The following ANKRD11 variants were observed in gnomAD, a reference collection of about 807,000 sequenced individuals.
ANKRD11 encodes the protein ankyrin repeat domain 11.
In ANKRD11, 17 loss-of-function variants were observed where a neutral mutation model predicts 195.7. The ratio of observed to expected loss-of-function variants is 0.09; its 90% confidence interval spans 0.06 to 0.13. ANKRD11 has a LOEUF of 0.13. Ranked by LOEUF, ANKRD11 falls within the 10% of genes least tolerant of loss-of-function variation. ANKRD11 has a pLI of 1.00. For missense variants in ANKRD11, 3,735 were observed against 3,566.1 expected (o/e 1.05, Z -1.21); for synonymous variants, 1,953 against 1,528.1 (o/e 1.28, Z -6.49).
chr16:89,441,793 A>C (rs1285642596), intron 1 of ANKRD11, among the ~76,000 whole-genome samples: 4 of 141,846 alleles, frequency 2.8e-5, no homozygotes, highest in East Asian at 4.1e-4. Flanking sequence ...AAAAAAAAAA[A>C]CGCAAACCTG....
intron 2 of ANKRD11, among the ~76,000 whole-genome samples, chr16:89,341,702 G>A (rs995606488): frequency 1.1e-4 from 17 of 152,242 alleles, no homozygotes; most frequent in Admixed American, 3.3e-4. Context: ...CTATTCATCT[G>A]CATAATGATA....
chr16:89,288,425 T>G, intron 7 of ANKRD11, 103 bp downstream of exon 7: 1 of 1,568,288 alleles, frequency 6.4e-7, no homozygotes, highest in Non-Finnish European at 8.7e-7. Context: ...CTCGCTTTCC[T>G]GTGCCCCACA....
chr16:89,377,730 G>A (rs981039474), intron 2 of ANKRD11, among the ~76,000 whole-genome samples: 1 of 152,094 alleles, frequency 6.6e-6, no homozygotes, highest in African/African-American at 2.4e-5. Context: ...TCTGTGACAT[G>A]GGCACTGAAA....
chr16:89,368,384 T>TTG (rs1240930506), intron 2 of ANKRD11, among the ~76,000 whole-genome samples: 2 of 132,820 alleles, frequency 1.5e-5, no homozygotes, highest in African/African-American at 6.1e-5. Flanking sequence ...TTTTTTTTTT[T>TTG]TTTTTTTTTT....
intron 3 of ANKRD11, among the ~76,000 whole-genome samples, chr16:89,313,070 C>T (rs1486030190): frequency 6.6e-6 from 1 of 152,190 alleles, no homozygotes; most frequent in African/African-American, 2.4e-5. Flanking sequence ...TCTCGGCCTC[C>T]ACACAGCTCG....
intron 1 of ANKRD11, among the ~76,000 whole-genome samples, chr16:89,464,704 GA>G (rs1307372237): frequency 6.6e-6 from 1 of 151,488 alleles, no homozygotes; most frequent in Non-Finnish European, 1.5e-5. Flanking sequence ...GTCAATAGTT[GA>G]CCAGAATTAA....
rs1185290714 is a variant in ANKRD11 at position 89,285,903 on chromosome 16, C to T, written c.892+136G>A. 7.8e-6 allele frequency: 11 copies of T among 1,414,380 alleles called. No homozygotes were observed. The highest frequency in any genetic ancestry group is 2.8e-5 in the African/African-American group (2 of 70,786). 87.6% of individuals were successfully genotyped at this position (1,414,380 alleles called of 1,614,324 possible). A position where few individuals can be genotyped will look rare whatever the true frequency, so the allele number is the denominator to read the frequency against. ...AGTGACACACCTGGGCGGGGTCTCCCGCAGTCCAGAAGCTCCTGTAAGCCC... is the reference window on the plus strand; with the variant it reads ...AGTGACACACCTGGGCGGGGTCTCCTGCAGTCCAGAAGCTCCTGTAAGCCC... On this transcript the variant is annotated intron_variant, in intron 8 of 12. Coordinates refer to ENST00000301030, the MANE Select transcript of ANKRD11 (RefSeq NM_013275.6). This position sits in a 1 kb window ranked among gnomAD's most constrained non-coding sequence, Gnocchi z 5.6.
intron 2 of ANKRD11, among the ~76,000 whole-genome samples, chr16:89,411,699 A>AC (rs1367991006): frequency 5.3e-5 from 8 of 152,000 alleles, no homozygotes; most frequent in Non-Finnish European, 1.2e-4. Context: ...CGGCCAGTTT[A>AC]CATTCGGAAC....
intron 1 of ANKRD11, among the ~76,000 whole-genome samples, chr16:89,421,641 G>A (rs1244398660): frequency 1.8e-5 from 2 of 109,752 alleles, no homozygotes; most frequent in East Asian, 2.8e-4. Flanking sequence ...GTCTGGGGGC[G>A]GGGGTGAGAC....
rs141518153 is a variant in ANKRD11 at position 89,274,299 on chromosome 16, C to G, written c.7713+515G>C. On this transcript the variant is annotated intron_variant, in intron 11 of 12. Coordinates refer to ENST00000301030, the MANE Select transcript of ANKRD11 (RefSeq NM_013275.6). ...AGGACAGTGACTGTAGTTCTGGAAC[C>G]CTGAGTCCGGCCCGCCCTGGCCCAG... 3.5e-4 allele frequency among the ~76,000 whole-genome samples: 53 copies of G among 152,294 alleles called. 1 individual carries two copies. Among genetic ancestry groups the G allele is most frequent in the African/African-American group, 1.2e-3 (49 of 41,558 alleles).
rs7187307 is a variant in ANKRD11 at position 89,326,386 on chromosome 16, C to T, written c.-59-9308G>A. On this transcript the variant is annotated intron_variant, in intron 2 of 12. Transcript: ENST00000301030. ...AAGGGGACGCAGCCACCGCCCCCCC[C>T]ACCCCGCTGCAGAAGGTGCACACCA... Among the ~76,000 whole-genome samples, 209 of 152,012 alleles carry T rather than the reference C, an allele frequency of 1.4e-3. 2 individuals are homozygous for T. Among genetic ancestry groups the T allele is most frequent in the Admixed American group, 2.2e-3 (33 of 15,278 alleles).
At chr16:89,425,023 C>CGAAG (rs2042661559) in intron 1 of ANKRD11, among the ~76,000 whole-genome samples, 1 of 150,956 alleles carries the variant, frequency 6.6e-6, no homozygotes, top group Non-Finnish European at 1.5e-5. Context: ...GGAGACTGGC[C>CGAAG]GAAGTGTACA....
chr16:89,342,888 C>T (rs918780062), intron 2 of ANKRD11, among the ~76,000 whole-genome samples: 2 of 152,040 alleles, frequency 1.3e-5, no homozygotes, highest in African/African-American at 2.4e-5. Context: ...GGGAAAGGGA[C>T]GGAGGTGAAT....
chr16:89,315,726 T>G (rs554657104), intron 3 of ANKRD11, among the ~76,000 whole-genome samples: 1 of 152,314 alleles, frequency 6.6e-6, no homozygotes, highest in African/African-American at 2.4e-5. Flanking sequence ...CTGCTGTCGT[T>G]TAGCACCTGC....
Position 89,279,186 on chromosome 16 carries a change from G to T in ANKRD11, c.7356C>A (p.Arg2452=). The T allele has an allele frequency of 8.1e-6, 13 of 1,612,776 alleles. No homozygotes were observed. The highest frequency in any genetic ancestry group is 1.0e-5 in the Non-Finnish European group (12 of 1,179,914). The stretch of plus-strand genomic sequence containing the variant: ...GCGGCGTGATACAGCACAGGATCTT[G>T]CGCTTCTCCTCGATCTTCTTCCTGA... ...LQIRKKIEEK[R]KILCCITPQA... Residue 2452 remains arginine (R), a synonymous_variant, in exon 9 of 13, where the codon CGC becomes CGA. Transcript: ENST00000301030. The surrounding 1 kb of genome is among the most constrained non-coding windows in gnomAD (Gnocchi z 5.6).
intron 2 of ANKRD11, among the ~76,000 whole-genome samples, chr16:89,354,359 T>C (rs2039371468): frequency 6.6e-6 from 1 of 152,158 alleles, no homozygotes; most frequent in African/African-American, 2.4e-5. Context: ...AAAATGATTT[T>C]ACTAACATTA....
chr16:89,294,480 C>T lies in ANKRD11; in HGVS notation c.227-3297G>A, dbSNP rs568821264. On this transcript the variant is annotated intron_variant, in intron 4 of 12. Transcript: ENST00000301030. ...CACCTGCAGCTACGAGCATCTACAA[C>T]GCCCACAACACGCGCCAGACACCAC... 6.6e-5 allele frequency among the ~76,000 whole-genome samples: 10 copies of T among 152,302 alleles called. No homozygotes were observed. The South Asian group carries it at 8.3e-4, about 13-fold the overall frequency.
At chr16:89,419,136 T>C (rs936717341) in intron 1 of ANKRD11, among the ~76,000 whole-genome samples, 1 of 152,196 alleles carries the variant, frequency 6.6e-6, no homozygotes, top group Non-Finnish European at 1.5e-5. Context: ...GAAAAGATTA[T>C]ACTGCAGTAC....
At chr16:89,428,867 CT>C in intron 1 of ANKRD11, among the ~76,000 whole-genome samples, 1 of 152,262 alleles carries the variant, frequency 6.6e-6, no homozygotes, top group East Asian at 1.9e-4. Flanking sequence ...GCATTATAGC[CT>C]GGGCAACAGA....
Sources: gnomAD v4.1 joint callset for allele counts (sites outside exome capture counted in the v4.1 genomes callset) on GRCh38, gnomAD v4.1.1 for gene constraint, Gnocchi (gnomAD v3.1) non-coding constraint, MANE v1.5 for transcripts, NCBI Gene and HGNC (gene_info 2026-07-23, HGNC 2026-07-21) for gene names.